IGSF3: variants seen among roughly 807,000 people sequenced by gnomAD.
The protein encoded by IGSF3 is glu-Trp-Ile EWI motif-containing protein 3.
Under a neutral mutation model 114.4 loss-of-function variants are expected in IGSF3, and 23 were observed. The observed-to-expected ratio is 0.20, with a 90% CI of 0.14 to 0.28. The LOEUF (loss-of-function observed/expected upper bound fraction) is 0.28, where lower values mean the gene tolerates loss of function less well. Ranked by LOEUF, IGSF3 falls within the 10% of genes least tolerant of loss-of-function variation. The pLI, the probability that IGSF3 is intolerant of heterozygous loss-of-function variation, is 1.00. For missense variants in IGSF3, 1,172 were observed against 1,591.5 expected (o/e 0.74, Z 4.48); for synonymous variants, 571 against 645.2 (o/e 0.88, Z 1.74).
intron 9 of IGSF3, among the ~76,000 whole-genome samples, chr1:116,580,605 G>A (rs180989935): frequency 1.2e-4 from 19 of 152,368 alleles, no homozygotes; most frequent in Non-Finnish European, 2.4e-4. Context: ...GCAAGAAGGC[G>A]CCGTCTGCGG....
At chr1:116,619,305 A>G (rs1308518882) in intron 2 of IGSF3, among the ~76,000 whole-genome samples, 2 of 152,184 alleles carry the variant, frequency 1.3e-5, no homozygotes, top group Non-Finnish European at 2.9e-5. Context: ...CAGACCTTAC[A>G]AAGGCACTCG....
intron 2 of IGSF3, among the ~76,000 whole-genome samples, chr1:116,623,220 C>G (rs1661474396): frequency 6.6e-6 from 1 of 152,222 alleles, no homozygotes; most frequent in South Asian, 2.1e-4. Flanking sequence ...CCAATAAGGA[C>G]AGCCAGCACT....
rs371958247 is a variant in IGSF3 at position 116,600,069 on chromosome 1, C to T, written c.1901G>A (p.Arg634Gln). Residue 634 changes from arginine to glutamine, a missense_variant, in exon 7 of 11, where the codon CGA becomes CAA. Arg to Gln is a conservative substitution (Grantham distance 43, BLOSUM62 1). Coordinates refer to ENST00000369486, the MANE Select transcript of IGSF3 (RefSeq NM_001007237.3). The surrounding 1 kb of genome is among the most constrained non-coding windows in gnomAD (Gnocchi z 5.5). ...CTTGCCTGCTTCCGTGTCACTGGCTCGGCTGATGCTTAGGCGGACGTTGTT... is the reference window on the plus strand; with the variant it reads ...CTTGCCTGCTTCCGTGTCACTGGCTTGGCTGATGCTTAGGCGGACGTTGTT... The part of the protein sequence containing the change: ...SSNNVRLSIS[R>Q]ASDTEAGKYQ... The T allele has an allele frequency of 2.5e-6, 4 of 1,614,044 alleles. No individual in the cohort carries two copies. The highest frequency in any genetic ancestry group is 1.7e-5 in the Admixed American group (1 of 60,004).
At chr1:116,578,902 C>T (rs1218987800) in intron 10 of IGSF3, among the ~76,000 whole-genome samples, 1 of 152,158 alleles carries the variant, frequency 6.6e-6, no homozygotes, top group Non-Finnish European at 1.5e-5. Flanking sequence ...GGCTGGTCCT[C>T]CCAACCATAC....
At chr1:116,597,708 C>T (rs1047904828) in intron 7 of IGSF3, among the ~76,000 whole-genome samples, 13 of 152,194 alleles carry the variant, frequency 8.5e-5, no homozygotes, top group Admixed American at 7.9e-4. Context: ...GATCTGGGGT[C>T]TCCCAACCCT....
intron 8 of IGSF3, among the ~76,000 whole-genome samples, chr1:116,586,993 G>A (rs924102414): frequency 7.9e-5 from 12 of 151,996 alleles, no homozygotes; most frequent in South Asian, 2.1e-4. Context: ...CCACCGAGAG[G>A]CCAGTGAGAA....
rs1006088350 is a variant in IGSF3 at position 116,584,211 on chromosome 1, T to C, written c.2848+434A>G. Among the ~76,000 whole-genome samples the C allele has an allele frequency of 5.3e-5, 8 of 152,062 alleles. No homozygotes were observed. In the South Asian group the frequency reaches 1.0e-3, roughly 20 times the overall value. On this transcript the variant is annotated intron_variant, in intron 9 of 10. Transcript: ENST00000369486. This position sits in a 1 kb window ranked among gnomAD's most constrained non-coding sequence, Gnocchi z 5.8. ...ACTCCGTTTCAAAAAAAAAAAAGTA[T>C]TGGGAAGTGACAGAGTGAAGGCTGC...
In IGSF3 at chr1:116,661,019, G is replaced by A. The variant is rs1025403403; in HGVS notation, c.43+5265C>T. Among the ~76,000 whole-genome samples the A allele has an allele frequency of 6.6e-6, 1 of 152,174 alleles. No homozygotes were observed. The highest frequency in any genetic ancestry group is 1.5e-5 in the Non-Finnish European group (1 of 68,036). On this transcript the variant is annotated intron_variant, in intron 2 of 10. Coordinates refer to ENST00000369486, the MANE Select transcript of IGSF3 (RefSeq NM_001007237.3). The surrounding 1 kb of genome is among the most constrained non-coding windows in gnomAD (Gnocchi z 4.0). ...CATCAAAAAATTAACTGGGCCAGGT[G>A]TGGTAGCTCACGCCTGTAATTTCAG...
chr1:116,586,378 G>T (rs1442541925), intron 8 of IGSF3, among the ~76,000 whole-genome samples: 1 of 151,868 alleles, frequency 6.6e-6, no homozygotes, highest in East Asian at 1.9e-4. Context: ...TTGTTTTTTT[G>T]GGGGGGATTT....
intron 7 of IGSF3, among the ~76,000 whole-genome samples, chr1:116,591,885 T>C (rs1660127271): frequency 6.6e-6 from 1 of 152,216 alleles, no homozygotes; most frequent in Admixed American, 6.5e-5. Flanking sequence ...ATAAGAACAA[T>C]GTCTCTATCT....
rs1413125784 is a variant in IGSF3 at position 116,593,556 on chromosome 1, G to A, written c.2030-4452C>T. On this transcript the variant is annotated intron_variant, in intron 7 of 10. Coordinates refer to ENST00000369486, the MANE Select transcript of IGSF3 (RefSeq NM_001007237.3). The surrounding 1 kb of genome is among the most constrained non-coding windows in gnomAD (Gnocchi z 4.5). ...TGGGAAGCCAGTGGCACAGGCGCCT[G>A]CCAGTCAAACTGTTACTACCCCTGA... Among the ~76,000 whole-genome samples the A allele has an allele frequency of 6.6e-6, 1 of 152,194 alleles. No individual in the cohort carries two copies. The highest frequency in any genetic ancestry group is 1.5e-5 in the Non-Finnish European group (1 of 68,038).
Position 116,579,407 on chromosome 1 carries a change from G to A in IGSF3, c.3319C>T (p.Arg1107Cys), listed in dbSNP as rs976266015. The change falls in exon 10 of 11, where the codon CGT (arginine) becomes TGT (cysteine). Residue 1107 changes from arginine (R) to cysteine (C), a missense_variant. By Grantham distance (180) the Arg-to-Cys change is radical. This residue lies in a region of IGSF3 where 423 missense variants were observed against 509.8 expected (regional missense o/e 0.83). Transcript: ENST00000369486. The surrounding 1 kb of genome is among the most constrained non-coding windows in gnomAD (Gnocchi z 6.4). ...GGAAACTCACTTGTATCTAGAACAC[G>A]GATGCCGATGGGGGCTGACTCCTCC... ...TEEESAPIGI[R>C]VLDTSPTLQS... is the part of the protein sequence containing the mutation. 91 of 1,573,794 alleles carry A rather than the reference G, an allele frequency of 5.8e-5. No homozygotes were observed. Among genetic ancestry groups the A allele is most frequent in the Non-Finnish European group, 7.2e-5 (83 of 1,158,624 alleles).
At position 116,583,079 on chromosome 1, in the gene IGSF3, G is replaced by A. The variant is rs1659667094; in HGVS notation, c.2848+1566C>T. ...TCACTCTGCCTGCACCTGCTGGCTG[G>A]GTGGTGATTCGCTCCATGCTTTGGT... On this transcript the variant is annotated intron_variant, in intron 9 of 10. Coordinates refer to ENST00000369486, the MANE Select transcript of IGSF3 (RefSeq NM_001007237.3). This position sits in a 1 kb window ranked among gnomAD's most constrained non-coding sequence, Gnocchi z 4.5. 6.6e-6 allele frequency among the ~76,000 whole-genome samples: 1 copy of A among 152,148 alleles called. No individual in the cohort carries two copies. Among genetic ancestry groups the A allele is most frequent in the African/African-American group, 2.4e-5 (1 of 41,444 alleles).
At chr1:116,635,101 C>T (rs1478496818) in intron 2 of IGSF3, among the ~76,000 whole-genome samples, 1 of 152,180 alleles carries the variant, frequency 6.6e-6, no homozygotes, top group Non-Finnish European at 1.5e-5. Flanking sequence ...TTGCTTTAAG[C>T]CACTATGATT....
rs1444374522 is a variant in IGSF3 at position 116,574,991 on chromosome 1, C to T, written c.*2321G>A. ...TCTTTTTTTCCTTTCAAATTTCCTA[C>T]AATTGCTTTACATATTTGTGTGCAG... On this transcript the variant is annotated 3_prime_UTR_variant, in exon 11 of 11. Transcript: ENST00000369486. The surrounding 1 kb of genome is among the most constrained non-coding windows in gnomAD (Gnocchi z 5.2). 4 of 152,586 alleles carry T rather than the reference C, an allele frequency of 2.6e-5. No individual in the cohort carries two copies. The highest frequency in any genetic ancestry group is 9.7e-5 in the African/African-American group (4 of 41,410). 9.5% of individuals were successfully genotyped at this position (152,586 alleles called of 1,614,324 possible).
At position 116,654,914 on chromosome 1, in the gene IGSF3, A is replaced by G. The variant is rs1454652626; in HGVS notation, c.43+11370T>C. Reference sequence around the variant, plus strand: ...TCTCCCCTTATCACTGCTATTCATCATCTTACTCCTACAGATACCCCCTCT... The same window carrying G: ...TCTCCCCTTATCACTGCTATTCATCGTCTTACTCCTACAGATACCCCCTCT... On this transcript the variant is annotated intron_variant, in intron 2 of 10. Transcript: ENST00000369486. This position sits in a 1 kb window ranked among gnomAD's most constrained non-coding sequence, Gnocchi z 4.4. Among the ~76,000 whole-genome samples, 3 of 152,036 alleles carry G rather than the reference A, an allele frequency of 2.0e-5. No individual in the cohort carries two copies. The highest frequency in any genetic ancestry group is 4.4e-5 in the Non-Finnish European group (3 of 68,022).
rs1474138425 is a variant in IGSF3 at position 116,618,397 on chromosome 1, T to G, written c.44-1940A>C. On this transcript the variant is annotated intron_variant, in intron 2 of 10. Coordinates refer to ENST00000369486, the MANE Select transcript of IGSF3 (RefSeq NM_001007237.3). The surrounding 1 kb of genome is among the most constrained non-coding windows in gnomAD (Gnocchi z 4.7). Reference sequence around the variant, plus strand: ...AACATTTTTACTATATGTACAGTCATGCACTGAATAACATTTCAATCAATG... The same window carrying G: ...AACATTTTTACTATATGTACAGTCAGGCACTGAATAACATTTCAATCAATG... 9.2e-5 allele frequency among the ~76,000 whole-genome samples: 14 copies of G among 152,358 alleles called. No homozygotes were observed. The highest frequency in any genetic ancestry group is 2.9e-4 in the African/African-American group (12 of 41,580).
chr1:116,651,796 A>G lies in IGSF3; in HGVS notation c.43+14488T>C, dbSNP rs553006798. 3.9e-5 allele frequency among the ~76,000 whole-genome samples: 6 copies of G among 152,308 alleles called. No individual in the cohort carries two copies. The highest frequency in any genetic ancestry group is 1.4e-4 in the African/African-American group (6 of 41,576). ...AACCCCTATCTTAATGGAACTTAAA[A>G]TCTAGTTTATTAAACCATTACTCAC... On this transcript the variant is annotated intron_variant, in intron 2 of 10. Transcript: ENST00000369486. The surrounding 1 kb of genome is among the most constrained non-coding windows in gnomAD (Gnocchi z 4.4).
chr1:116,587,389 G>T (rs903273737), intron 8 of IGSF3, among the ~76,000 whole-genome samples: 9 of 152,080 alleles, frequency 5.9e-5, no homozygotes, highest in African/African-American at 2.2e-4. Flanking sequence ...TGATGAGGGG[G>T]CTACATTTAA....
Sources: gnomAD v4.1 joint callset for allele counts (sites outside exome capture counted in the v4.1 genomes callset) on GRCh38, gnomAD v4.1.1 for gene constraint, gnomAD v4.1.1 regional missense constraint, Gnocchi (gnomAD v3.1) non-coding constraint, MANE v1.5 for transcripts, NCBI Gene and HGNC (gene_info 2026-07-23, HGNC 2026-07-21) for gene names.